Variants in FOXN3 observed in about 807,000 individuals in gnomAD.
FOXN3 encodes the protein forkhead box protein N3.
A neutral mutation model predicts 38.4 loss-of-function variants in FOXN3; 7 were observed. The observed-to-expected ratio is 0.18, with a 90% CI of 0.10 to 0.34. The LOEUF (loss-of-function observed/expected upper bound fraction) is 0.34, where lower values mean the gene tolerates loss of function less well. Ranked by LOEUF, FOXN3 falls within the 10% of genes least tolerant of loss-of-function variation. FOXN3 has a pLI of 1.00. For synonymous variants in FOXN3, 230 were observed against 242.2 expected (o/e 0.95, Z 0.47); for missense variants, 456 against 613.4 (o/e 0.74, Z 2.71).
At chr14:89,377,435 C>T (rs902807353) in intron 2 of FOXN3, among the ~76,000 whole-genome samples, 7 of 152,180 alleles carry the variant, frequency 4.6e-5, no homozygotes, top group South Asian at 2.1e-4. Flanking sequence ...GTGACAATAG[C>T]GTGGGGTTAT....
intron 3 of FOXN3, among the ~76,000 whole-genome samples, chr14:89,281,448 C>A (rs1344317613): frequency 2.0e-5 from 3 of 152,208 alleles, no homozygotes; most frequent in Non-Finnish European, 4.4e-5. Context: ...GCAAACTTGT[C>A]ATTCTTGGCA....
chr14:89,472,254 C>CA (rs1173781818), intron 1 of FOXN3, among the ~76,000 whole-genome samples: 1,578 of 105,452 alleles, frequency 0.015, 16 homozygotes, highest in Middle Eastern at 0.047. Flanking sequence ...GAACCCATCT[C>CA]AAAAAAAAAA....
chr14:89,211,532 CA>C (rs1221746077), intron 4 of FOXN3, among the ~76,000 whole-genome samples: 3 of 152,170 alleles, frequency 2.0e-5, no homozygotes, highest in Admixed American at 1.3e-4. Context: ...AAACAGGCTA[CA>C]AAGAGGGATC....
chr14:89,542,927 A>G (rs538221531), intron 1 of FOXN3, among the ~76,000 whole-genome samples: 2 of 152,284 alleles, frequency 1.3e-5, no homozygotes, highest in South Asian at 4.1e-4. Flanking sequence ...CTACAACCCA[A>G]AGCTATTACA....
chr14:89,287,770 AAAG>A (rs1377619360), intron 3 of FOXN3, among the ~76,000 whole-genome samples: 41 of 135,484 alleles, frequency 3.0e-4, no homozygotes, highest in African/African-American at 1.1e-3. Context: ...AAAAAAAAAA[AAAG>A]TAACTGTTGG....
chr14:89,379,392 T>G (rs1306128671), intron 2 of FOXN3, among the ~76,000 whole-genome samples: 1 of 152,170 alleles, frequency 6.6e-6, no homozygotes, highest in Admixed American at 6.5e-5. Flanking sequence ...GGTAATTCTT[T>G]GCTGTGTGGG....
intron 4 of FOXN3, among the ~76,000 whole-genome samples, chr14:89,252,514 C>T (rs1885489262): frequency 6.6e-6 from 1 of 151,934 alleles, no homozygotes; most frequent in Non-Finnish European, 1.5e-5. Flanking sequence ...ATTAGCTGGG[C>T]GTGGTGGTGC....
intron 2 of FOXN3, among the ~76,000 whole-genome samples, chr14:89,407,755 T>C (rs1237650942): frequency 2.0e-5 from 3 of 152,034 alleles, no homozygotes; most frequent in African/African-American, 4.8e-5. Flanking sequence ...GGCTTGAGCA[T>C]GAGAGTCTGA....
chr14:89,455,787 C>T (rs964803933), intron 1 of FOXN3, among the ~76,000 whole-genome samples: 4 of 152,278 alleles, frequency 2.6e-5, no homozygotes, highest in East Asian at 1.9e-4. Context: ...TGCCTAACTC[C>T]GAAATGGCCC....
chr14:89,175,173 C>T lies in FOXN3; in HGVS notation c.851+5528G>A, dbSNP rs111751327. On this transcript the variant is annotated intron_variant, in intron 5 of 5. Coordinates refer to ENST00000557258, the MANE Select transcript of FOXN3 (RefSeq NM_005197.4). ...TTAATGTTTGCTACTACAGTCAGAC[C>T]ATTAATGCCTGACTTGCTTCATGTT... 2.2e-3 allele frequency among the ~76,000 whole-genome samples: 337 copies of T among 152,328 alleles called. 4 individuals carry two copies. The highest frequency in any genetic ancestry group is 7.2e-3 in the African/African-American group (299 of 41,580).
chr14:89,601,099 A>C (rs938225079), intron 1 of FOXN3, among the ~76,000 whole-genome samples: 2 of 152,214 alleles, frequency 1.3e-5, no homozygotes, highest in African/African-American at 4.8e-5. Context: ...TGCCAGAGCC[A>C]AGCCCAGGGA....
chr14:89,288,670 T>TTCTC (rs1202531466), intron 3 of FOXN3, among the ~76,000 whole-genome samples: 17 of 54,142 alleles, frequency 3.1e-4, no homozygotes, highest in African/African-American at 6.8e-4. Flanking sequence ...GGCACTCTCT[T>TTCTC]TCTCTCTCTC....
intron 3 of FOXN3, among the ~76,000 whole-genome samples, chr14:89,295,357 GT>G (rs1008205359): frequency 6.6e-6 from 1 of 152,222 alleles, no homozygotes; most frequent in Non-Finnish European, 1.5e-5. Flanking sequence ...ACTCTGCAGT[GT>G]CTTCCCATTC....
chr14:89,274,087 C>T (rs751412191), intron 4 of FOXN3, among the ~76,000 whole-genome samples: 14 of 152,248 alleles, frequency 9.2e-5, no homozygotes, highest in Admixed American at 2.6e-4. Flanking sequence ...CCAAAGAGCC[C>T]AGGGGCTTCA....
At chr14:89,597,814 T>C (rs1166529768) in intron 1 of FOXN3, among the ~76,000 whole-genome samples, 3 of 152,184 alleles carry the variant, frequency 2.0e-5, no homozygotes, top group African/African-American at 7.2e-5. Context: ...TTCTGTACGT[T>C]TATAAGAAAG....
intron 2 of FOXN3, among the ~76,000 whole-genome samples, chr14:89,383,024 G>A (rs1596241869): frequency 7.3e-6 from 1 of 137,040 alleles, no homozygotes; most frequent in Admixed American, 7.9e-5. Flanking sequence ...ACAGTTTTGG[G>A]TGGTGTTTTT....
intron 2 of FOXN3, among the ~76,000 whole-genome samples, chr14:89,357,659 T>G (rs939533082): frequency 1.3e-5 from 2 of 151,838 alleles, no homozygotes; most frequent in Non-Finnish European, 2.9e-5. Context: ...AAACAGCAGT[T>G]GACACTGGCA....
chr14:89,311,868 C>T (rs574002904), intron 3 of FOXN3, among the ~76,000 whole-genome samples: 1 of 152,168 alleles, frequency 6.6e-6, no homozygotes, highest in Admixed American at 6.5e-5. Flanking sequence ...TACACACCTA[C>T]CTCTGTGAAA....
intron 3 of FOXN3, among the ~76,000 whole-genome samples, chr14:89,329,296 G>C (rs1181431331): frequency 1.3e-5 from 2 of 152,228 alleles, no homozygotes; most frequent in East Asian, 3.9e-4. Context: ...AAAACCCCAA[G>C]CTCTTTTTCA....
Sources: allele counts gnomAD v4.1 joint callset (sites outside exome capture counted in the v4.1 genomes callset), GRCh38; gene constraint gnomAD v4.1.1; transcripts MANE v1.5; gene names NCBI Gene and HGNC (gene_info 2026-07-23, HGNC 2026-07-21).